MYO9A: variants seen among roughly 807,000 people sequenced by gnomAD.
The protein encoded by MYO9A is unconventional myosin-IXa.
Under a neutral mutation model 293.3 loss-of-function variants are expected in MYO9A, and 103 were observed. The observed-to-expected ratio is 0.35, with a 90% CI of 0.30 to 0.41. The LOEUF (loss-of-function observed/expected upper bound fraction) is 0.41, where lower values mean the gene tolerates loss of function less well. Ranked by LOEUF, MYO9A falls within the 10% of genes least tolerant of loss-of-function variation. MYO9A has a pLI of 1.00. For missense variants in MYO9A, 2,685 were observed against 3,033.0 expected, an observed-to-expected ratio of 0.89 and a Z score of 2.69; for synonymous variants, 1,001 against 1,035.7, an observed-to-expected ratio of 0.97 and a Z score of 0.64.
chr15:72,028,647 CAA>C (rs200894392), intron 3 of MYO9A, among the ~76,000 whole-genome samples: 6 of 132,766 alleles, frequency 4.5e-5, no homozygotes, highest in East Asian at 2.1e-4. Flanking sequence ...AACTTCGTCT[CAA>C]AAAAAAAAAA....
Position 71,825,985 on chromosome 15 carries a change from GTTTT to G in MYO9A, c.*591_*594del, listed in dbSNP as rs1016764634. ...TGATGGCTTAATGGAAACAATCACG[GTTTT>G]TTTTTGTTTTTTTTTTTTTGTTTTT... is the stretch of plus-strand genomic sequence containing the variant. On this transcript the variant is annotated 3_prime_UTR_variant, in exon 42 of 42. Coordinates refer to ENST00000356056, the MANE Select transcript of MYO9A (RefSeq NM_006901.4). 8.5e-5 allele frequency: 10 copies of G among 117,682 alleles called. No individual in the cohort carries two copies. The highest frequency in any genetic ancestry group is 1.4e-4 in the Non-Finnish European group (8 of 57,198). The allele number at this position is 117,682 out of a possible 1,614,324, so 7.3% of individuals were successfully genotyped here. A position where few individuals can be genotyped will look rare whatever the true frequency, so the allele number is the denominator to read the frequency against.
chr15:72,033,283 T>C (rs2149444921), intron 2 of MYO9A, among the ~76,000 whole-genome samples: 1 of 152,276 alleles, frequency 6.6e-6, no homozygotes, highest in African/African-American at 2.4e-5. Context: ...TAAACTGAAG[T>C]AACAAGGAGT....
chr15:71,882,695 G>A (rs2056910126), intron 28 of MYO9A, among the ~76,000 whole-genome samples: 1 of 152,202 alleles, frequency 6.6e-6, no homozygotes, highest in Non-Finnish European at 1.5e-5. Flanking sequence ...AATATAGCAA[G>A]TACTTAATAT....
intron 1 of MYO9A, among the ~76,000 whole-genome samples, chr15:72,066,685 T>C (rs2079032685): frequency 6.6e-6 from 1 of 152,156 alleles, no homozygotes; most frequent in South Asian, 2.1e-4. Flanking sequence ...AAACATTCTA[T>C]ATCTTAATAT....
chr15:71,831,648 A>G (rs2054731824), intron 39 of MYO9A, among the ~76,000 whole-genome samples: 1 of 152,240 alleles, frequency 6.6e-6, no homozygotes, highest in African/African-American at 2.4e-5. Context: ...GATTGCTAAT[A>G]CTTTAGGACC....
Position 71,852,171 on chromosome 15 carries a change from T to C in MYO9A, c.6436A>G (p.Met2146Val). 1 of 1,613,900 alleles carries C rather than the reference T, an allele frequency of 6.2e-7. No homozygotes were observed. The highest frequency in any genetic ancestry group is 8.5e-7 in the Non-Finnish European group (1 of 1,179,852). ...QWLRDLPNPL[M>V]TFELYEEFLR... is the part of the protein sequence containing the mutation. ...AATTCCTCATAGAGTTCAAAGGTCA[T>C]GAGAGGATTGGGCAAATCTCGAAGC... The change falls in exon 36 of 42, where the codon ATG becomes GTG. Residue 2146 changes from methionine to valine, a missense_variant. Physicochemically the swap from Met to Val is conservative, Grantham distance 21 (BLOSUM62 1). This residue lies in a region of MYO9A where 238 missense variants were observed against 269.1 expected (regional missense o/e 0.88). Transcript: ENST00000356056.
At chr15:71,914,503 AC>A (rs1163610123) in intron 19 of MYO9A, among the ~76,000 whole-genome samples, 2 of 152,120 alleles carry the variant, frequency 1.3e-5, no homozygotes, top group Non-Finnish European at 2.9e-5. Context: ...TGGTTTCCTC[AC>A]CTTTATAATA....
intron 39 of MYO9A, among the ~76,000 whole-genome samples, chr15:71,845,996 G>A (rs764239901): frequency 2.6e-5 from 4 of 152,144 alleles, no homozygotes; most frequent in Non-Finnish European, 4.4e-5. Context: ...AACAAATGGC[G>A]ATATTTGTTG....
chr15:71,866,469 G>T (rs929755100), intron 32 of MYO9A, among the ~76,000 whole-genome samples: 3 of 151,932 alleles, frequency 2.0e-5, no homozygotes, highest in Admixed American at 1.3e-4. Context: ...GTTTGAGGTT[G>T]GTCTGGGCAA....
chr15:72,068,349 A>G (rs2079082117), intron 1 of MYO9A, among the ~76,000 whole-genome samples: 2 of 152,174 alleles, frequency 1.3e-5, no homozygotes, highest in South Asian at 4.1e-4. Flanking sequence ...TGTGTGCTTT[A>G]TATGTATTAC....
chr15:71,883,819 A>G, intron 27 of MYO9A, 83 bp from the exon 28 acceptor site: 1 of 1,242,594 alleles, frequency 8.0e-7, no homozygotes, highest in Non-Finnish European at 1.1e-6. Context: ...AGCTTTACAA[A>G]TCTTCTATGT....
rs374923824 is a variant in MYO9A, at chr15:72,021,028, C to G, written c.999-11G>C. 4.9e-5 allele frequency: 73 copies of G among 1,502,488 alleles called. No homozygotes were observed. Among genetic ancestry groups the G allele is most frequent in the Non-Finnish European group, 6.2e-5 (69 of 1,117,838 alleles). 93.1% of individuals were successfully genotyped at this position (1,502,488 alleles called of 1,614,324 possible). ...AATACATGATAGTTCCTGTGGGAAA[C>G]AAAGAAGTACAAGTTTCATAATGTG... is the stretch of plus-strand genomic sequence containing the variant. On this transcript the variant is annotated splice_polypyrimidine_tract_variant and intron_variant, in intron 4 of 41. Transcript: ENST00000356056.
intron 13 of MYO9A, among the ~76,000 whole-genome samples, chr15:71,964,930 G>A (rs561491300): frequency 6.6e-6 from 1 of 151,884 alleles, no homozygotes; most frequent in East Asian, 1.9e-4. Context: ...ACTCCAGCCT[G>A]GGTGATAAAA....
Position 71,830,166 on chromosome 15 carries a change from G to C in MYO9A, c.6983C>G (p.Ala2328Gly). The C allele has an allele frequency of 2.5e-6, 4 of 1,614,098 alleles. No individual in the cohort carries two copies. Among genetic ancestry groups the C allele is most frequent in the Non-Finnish European group, 3.4e-6 (4 of 1,180,002 alleles). The change falls in exon 40 of 42, where the codon GCT (alanine) becomes GGT (glycine). Residue 2328 changes from alanine to glycine, a missense_variant. By Grantham distance (60) the Ala-to-Gly change is moderately conservative. Coordinates refer to ENST00000356056, the MANE Select transcript of MYO9A (RefSeq NM_006901.4). ...CAGTACTCTCTCCTCCTGCTGCATA[G>C]CTGCTTGCTGCTGTTCTGTGATGTC... The part of the protein sequence containing the change: ...ETDITEQQQA[A>G]MQQEERVLTE...
chr15:71,908,905 G>C (rs563017612), intron 19 of MYO9A, among the ~76,000 whole-genome samples: 1 of 151,874 alleles, frequency 6.6e-6, no homozygotes, highest in South Asian at 2.1e-4. Context: ...TCTATGCTCT[G>C]CCTACTCATC....
intron 11 of MYO9A, among the ~76,000 whole-genome samples, chr15:71,990,128 A>C (rs1488084011): frequency 6.7e-6 from 1 of 148,452 alleles, no homozygotes; most frequent in Non-Finnish European, 1.5e-5. Flanking sequence ...TCTGTTGCCC[A>C]GTCTGGCATG....
intron 2 of MYO9A, among the ~76,000 whole-genome samples, chr15:72,039,144 T>C (rs1283070955): frequency 1.3e-5 from 2 of 152,124 alleles, no homozygotes; most frequent in Non-Finnish European, 2.9e-5. Flanking sequence ...TCCTGAGAAT[T>C]AAATTCACAA....
intron 16 of MYO9A, among the ~76,000 whole-genome samples, chr15:71,938,352 A>AGAG (rs10640468): frequency 0.93 from 140,642 of 151,644 alleles, 65,541 homozygotes; most frequent in Non-Finnish European, 0.97. Flanking sequence ...TAAAAAACAA[A>AGAG]ATTTTATGAA....
At chr15:71,873,177 C>T (rs1438253176) in intron 32 of MYO9A, among the ~76,000 whole-genome samples, 1 of 152,030 alleles carries the variant, frequency 6.6e-6, no homozygotes, top group East Asian at 1.9e-4. Flanking sequence ...CCTCAGCCTC[C>T]CAAAGTGCTG....
Sources: allele counts gnomAD v4.1 joint callset (sites outside exome capture counted in the v4.1 genomes callset), GRCh38; gene constraint gnomAD v4.1.1; regional missense constraint gnomAD v4.1.1; transcripts MANE v1.5; gene names NCBI Gene and HGNC (gene_info 2026-07-23, HGNC 2026-07-21).